MBNL2: variants seen among roughly 807,000 people sequenced by gnomAD.
MBNL2 encodes muscleblind-like protein 2.
In MBNL2, 17 loss-of-function variants were observed where a neutral mutation model predicts 41.9. The observed-to-expected ratio is 0.41, with a 90% confidence interval of 0.28 to 0.61. The LOEUF (loss-of-function observed/expected upper bound fraction) is 0.61, where lower values mean the gene tolerates loss of function less well. MBNL2 is among the 20% of genes least tolerant of loss of function. The pLI is 0.35. For missense variants in MBNL2, 336 were observed against 505.6 expected (o/e 0.66, Z 3.22); for synonymous variants, 195 against 182.9 (o/e 1.07, Z -0.53).
the MBNL2 span, among the ~76,000 whole-genome samples, chr13:97,145,639 G>A: frequency 5.3e-5 from 8 of 152,290 alleles, no homozygotes; most frequent in East Asian, 1.5e-3. Context: ...TATATTTGAA[G>A]CCATCATTAT....
chr13:97,182,206 C>A, the MBNL2 span, among the ~76,000 whole-genome samples: 2 of 152,096 alleles, frequency 1.3e-5, no homozygotes, highest in African/African-American at 2.4e-5. Flanking sequence ...CCTTGCAATA[C>A]CTTATATACT....
the MBNL2 span, among the ~76,000 whole-genome samples, chr13:97,182,233 T>C: frequency 6.6e-6 from 1 of 152,056 alleles, no homozygotes; most frequent in South Asian, 2.1e-4. Flanking sequence ...TCATGCAAAC[T>C]AAACAGGTAG....
At chr13:97,293,369 G>C (rs2056491728) in intron 2 of MBNL2, among the ~76,000 whole-genome samples, 1 of 151,900 alleles carries the variant, frequency 6.6e-6, no homozygotes, top group Admixed American at 6.6e-5. Context: ...AATAGTTTGT[G>C]GTAGTATTTT....
intron 2 of MBNL2, among the ~76,000 whole-genome samples, chr13:97,333,319 A>G (rs2060578840): frequency 1.3e-5 from 2 of 152,192 alleles, no homozygotes; most frequent in Admixed American, 6.5e-5. Flanking sequence ...GATGAAGTAT[A>G]AACACCGCCA....
intron 8 of MBNL2, among the ~76,000 whole-genome samples, chr13:97,373,222 T>C (rs143216902): frequency 6.6e-6 from 1 of 152,332 alleles, no homozygotes; most frequent in East Asian, 1.9e-4. Context: ...CCAGCCCTTG[T>C]AAACAGTAAT....
rs886729081 is a variant in MBNL2 at position 97,268,552 on chromosome 13, G to A, written c.-604-7080G>A. ...CCCAGCCTCAACCTACCTGGCAGCC[G>A]CAGGGTAAGCCAGTGGCATCTGCTG... On this transcript the variant is annotated intron_variant, in intron 1 of 8. Transcript: ENST00000679496. The surrounding 1 kb of genome is among the most constrained non-coding windows in gnomAD (Gnocchi z 4.6). Among the ~76,000 whole-genome samples, 7 of 152,190 alleles carry A rather than the reference G, an allele frequency of 4.6e-5. No homozygotes were observed. Among genetic ancestry groups the A allele is most frequent in the Admixed American group, 1.3e-4 (2 of 15,280 alleles).
At chr13:97,177,573 G>C in the MBNL2 span, among the ~76,000 whole-genome samples, 3 of 152,102 alleles carry the variant, frequency 2.0e-5, no homozygotes, top group Non-Finnish European at 4.4e-5. Context: ...GGAGACCAAT[G>C]CATTAGGTCC....
In MBNL2 at chr13:97,376,114, G is replaced by A. The variant is rs2064943107; in HGVS notation, c.1048+10943G>A. On this transcript the variant is annotated intron_variant, in intron 8 of 8. Coordinates refer to ENST00000679496, the MANE Select transcript of MBNL2 (RefSeq NM_001382683.1). Reference sequence around the variant, plus strand: ...GCCAGCCCAAGTCAAGCTAACTGGTGAGAAAGCTGCTTCATCGACAAAGTG... The same window carrying A: ...GCCAGCCCAAGTCAAGCTAACTGGTAAGAAAGCTGCTTCATCGACAAAGTG... Among the ~76,000 whole-genome samples, 2 of 152,168 alleles carry A rather than the reference G, an allele frequency of 1.3e-5. 1 individual carries two copies. The highest frequency in any genetic ancestry group is 4.1e-4 in the South Asian group (2 of 4,820).
At position 97,391,758 on chromosome 13, in the gene MBNL2, A is replaced by G. The variant is rs149764730; in HGVS notation, c.*309A>G. On this transcript the variant is annotated 3_prime_UTR_variant, in exon 9 of 9. Coordinates refer to ENST00000679496, the MANE Select transcript of MBNL2 (RefSeq NM_001382683.1). ...ATAAACAATTAGCATTAGTTAAAAA[A>G]GAAACATATTCCAAGGGCAGGTTCG... 1.2e-3 allele frequency: 291 copies of G among 244,096 alleles called. 1 individual carries two copies. The highest frequency in any genetic ancestry group is 6.3e-3 in the African/African-American group (276 of 43,514). The allele number at this position is 244,096 out of a possible 1,614,324, so 15.1% of individuals were successfully genotyped here.
chr13:97,371,823 G>GT (rs2064412211), intron 8 of MBNL2, among the ~76,000 whole-genome samples: 1 of 152,208 alleles, frequency 6.6e-6, no homozygotes, highest in African/African-American at 2.4e-5. Context: ...GGCAAAACCT[G>GT]TCTAAATAAA....
At chr13:97,280,067 C>T (rs910459353) in intron 2 of MBNL2, among the ~76,000 whole-genome samples, 3 of 152,150 alleles carry the variant, frequency 2.0e-5, no homozygotes, top group African/African-American at 7.2e-5. Context: ...CTGTGTTCCA[C>T]GAGTTAGGTT....
At chr13:97,287,938 T>TG (rs2054958964) in intron 2 of MBNL2, among the ~76,000 whole-genome samples, 1 of 80,772 alleles carries the variant, frequency 1.2e-5, no homozygotes, top group Non-Finnish European at 2.8e-5. Context: ...TGTTTTGTTT[T>TG]GTTTTTTTTT....
chr13:97,344,028 A>C (rs2061638059), intron 4 of MBNL2, among the ~76,000 whole-genome samples: 1 of 152,048 alleles, frequency 6.6e-6, no homozygotes, highest in Non-Finnish European at 1.5e-5. Flanking sequence ...CTGGTCTCGA[A>C]CTCCCAACCT....
chr13:97,360,729 A>T (rs1049738380), intron 7 of MBNL2, among the ~76,000 whole-genome samples: 2 of 152,260 alleles, frequency 1.3e-5, no homozygotes, highest in Non-Finnish European at 2.9e-5. Context: ...GACAGCTGAA[A>T]TATTTGTGCA....
At chr13:97,187,712 C>T in the MBNL2 span, among the ~76,000 whole-genome samples, 8 of 151,324 alleles carry the variant, frequency 5.3e-5, no homozygotes, top group African/African-American at 1.9e-4. Context: ...TCGAGACCAT[C>T]CTGGCTAACA....
At chr13:97,220,052 C>G (rs545512693), upstream of MBNL2, among the ~76,000 whole-genome samples, 122 of 152,288 alleles carry the variant, frequency 8.0e-4, no homozygotes, top group Non-Finnish European at 1.5e-3. Flanking sequence ...AGGTTTTTAG[C>G]TCATGCAGTT....
chr13:97,159,799 AC>A, the MBNL2 span, among the ~76,000 whole-genome samples: 6 of 151,368 alleles, frequency 4.0e-5, no homozygotes, highest in Admixed American at 4.0e-4. Flanking sequence ...TTTGAGGGTA[AC>A]CCGACCTTTC....
the MBNL2 span, among the ~76,000 whole-genome samples, chr13:97,153,726 G>C: frequency 6.6e-6 from 1 of 152,130 alleles, no homozygotes; most frequent in Non-Finnish European, 1.5e-5. Context: ...AAACCTTAAA[G>C]CACTGCACCC....
intron 2 of MBNL2, among the ~76,000 whole-genome samples, chr13:97,304,659 A>G (rs555566548): frequency 6.6e-6 from 1 of 152,324 alleles, no homozygotes; most frequent in South Asian, 2.1e-4. Context: ...CAATAATAAT[A>G]GTAATATCTA....
Sources: allele counts gnomAD v4.1 joint callset (sites outside exome capture counted in the v4.1 genomes callset), GRCh38; gene constraint gnomAD v4.1.1; non-coding constraint Gnocchi (gnomAD v3.1); transcripts MANE v1.5; gene names NCBI Gene and HGNC (gene_info 2026-07-23, HGNC 2026-07-21).